Variants in SLC37A2 observed in about 807,000 individuals in gnomAD.
SLC37A2 encodes the protein glucose-6-phosphate exchanger SLC37A2.
Under a neutral mutation model 70.7 loss-of-function variants are expected in SLC37A2, and 59 were observed. The observed-to-expected ratio is 0.83, with a 90% CI of 0.68 to 1.04. The LOEUF (loss-of-function observed/expected upper bound fraction) is 1.04. SLC37A2 is among the 50% of genes least tolerant of loss of function. The pLI, the probability that SLC37A2 is intolerant of heterozygous loss-of-function variation, is 0.00. For missense variants in SLC37A2, 580 were observed against 658.1 expected (o/e 0.88, Z 1.30); for synonymous variants, 257 against 262.1 (o/e 0.98, Z 0.19).
chr11:125,083,716 G>C lies in SLC37A2; in HGVS notation c.977-99G>C, dbSNP rs969079822. Reference sequence around the variant, plus strand: ...CCCCAGCTCTTCCTCGGAAAAGGGGGCAGTGGTCTGGATCACGCTCTGCAG... The same window carrying C: ...CCCCAGCTCTTCCTCGGAAAAGGGGCCAGTGGTCTGGATCACGCTCTGCAG... On this transcript the variant is annotated intron_variant, in intron 10 of 17. Transcript: ENST00000403796. This position sits in a 1 kb window ranked among gnomAD's most constrained non-coding sequence, Gnocchi z 4.6. 3.8e-6 allele frequency: 4 copies of C among 1,066,124 alleles called. No individual in the cohort carries two copies. The highest frequency in any genetic ancestry group is 5.8e-6 in the Non-Finnish European group (4 of 689,432). 66.0% of individuals were successfully genotyped at this position (1,066,124 alleles called of 1,614,324 possible).
In SLC37A2 at chr11:125,063,477, T is replaced by C. The variant is rs760306626; in HGVS notation, c.59+51T>C. On this transcript the variant is annotated intron_variant, in intron 1 of 17. Transcript: ENST00000403796. The surrounding 1 kb of genome is among the most constrained non-coding windows in gnomAD (Gnocchi z 5.4). ...TGCCGGGACCTCCTGGGCTCGGGGC[T>C]TGCAGGGGCCGCGGGGGGCCTCGGA... 1 of 1,544,764 alleles carries C rather than the reference T, an allele frequency of 6.5e-7. No homozygotes were observed. Among genetic ancestry groups the C allele is most frequent in the Non-Finnish European group, 8.8e-7 (1 of 1,134,194 alleles).
intron 1 of SLC37A2, among the ~76,000 whole-genome samples, chr11:125,067,661 T>G (rs909770427): frequency 6.6e-6 from 1 of 152,210 alleles, no homozygotes; most frequent in Non-Finnish European, 1.5e-5. Context: ...AAATTAAATA[T>G]TCACAAACTT....
chr11:125,074,603 A>T (rs1175053066), intron 1 of SLC37A2, among the ~76,000 whole-genome samples: 1 of 143,878 alleles, frequency 7.0e-6, no homozygotes, highest in Non-Finnish European at 1.5e-5. Context: ...GCTGGAGTTG[A>T]CACAGTGCAG....
At chr11:125,081,557 C>A in intron 8 of SLC37A2, 99 bp downstream of exon 8, 1 of 1,430,900 alleles carries the variant, frequency 7.0e-7, no homozygotes. Flanking sequence ...AGTTCTGGCC[C>A]TCACTGACCT....
chr11:125,083,543 A>G lies in SLC37A2; in HGVS notation c.977-272A>G. The G allele has an allele frequency of 4.9e-6, 2 of 404,508 alleles. No homozygotes were observed. Among genetic ancestry groups the G allele is most frequent in the Non-Finnish European group, 9.0e-6 (2 of 221,228 alleles). 25.1% of individuals were successfully genotyped at this position (404,508 alleles called of 1,614,324 possible). A position where few individuals can be genotyped will look rare whatever the true frequency, so the allele number is the denominator to read the frequency against. On this transcript the variant is annotated intron_variant, in intron 10 of 17. Coordinates refer to ENST00000403796, the MANE Select transcript of SLC37A2 (RefSeq NM_001145290.2). This position sits in a 1 kb window ranked among gnomAD's most constrained non-coding sequence, Gnocchi z 4.6. ...CCACGGGACAGCAGGCTCGGGGGCCAGATCCCAGAGCTTGCCAGGGAGGGC... is the reference window on the plus strand; with the variant it reads ...CCACGGGACAGCAGGCTCGGGGGCCGGATCCCAGAGCTTGCCAGGGAGGGC...
chr11:125,068,876 G>C (rs1477837018), intron 1 of SLC37A2, among the ~76,000 whole-genome samples: 4 of 152,210 alleles, frequency 2.6e-5, no homozygotes, highest in African/African-American at 9.6e-5. Flanking sequence ...TCAAATCTCT[G>C]TCACATTTAA....
intron 1 of SLC37A2, among the ~76,000 whole-genome samples, chr11:125,075,805 T>C (rs1316329626): frequency 1.3e-5 from 2 of 152,180 alleles, no homozygotes; most frequent in African/African-American, 4.8e-5. Flanking sequence ...CCTTGGGCTC[T>C]TGGAGCCAGG....
chr11:125,069,709 G>A (rs1043562132), intron 1 of SLC37A2, among the ~76,000 whole-genome samples: 3 of 152,248 alleles, frequency 2.0e-5, no homozygotes, highest in African/African-American at 4.8e-5. Flanking sequence ...CAGCTGGTAG[G>A]AACAAAAGGT....
chr11:125,064,999 T>C (rs894928626), intron 1 of SLC37A2, among the ~76,000 whole-genome samples: 1 of 152,214 alleles, frequency 6.6e-6, no homozygotes, highest in Non-Finnish European at 1.5e-5. Context: ...AACATATTCA[T>C]TTATAGGTTA....
intron 17 of SLC37A2, chr11:125,086,332 C>A: frequency 8.5e-7 from 1 of 1,172,970 alleles, no homozygotes; most frequent in African/African-American, 1.5e-5. Context: ...CTCTGTCCTG[C>A]AGTATGACTT....
chr11:125,081,503 TC>T, intron 8 of SLC37A2, 45 bp downstream of exon 8: 1 of 1,576,608 alleles, frequency 6.3e-7, no homozygotes, highest in Non-Finnish European at 8.6e-7. Context: ...TCCAACTCCA[TC>T]CAGAGGGCTG....
At chr11:125,084,174 A>G in intron 11 of SLC37A2, 60 bp from the exon 12 acceptor site, 1 of 1,585,518 alleles carries the variant, frequency 6.3e-7, no homozygotes, top group Non-Finnish European at 8.7e-7. Context: ...CTGGGGTGCC[A>G]GGCGAGGGGA....
chr11:125,082,228 C>T lies in SLC37A2; in HGVS notation c.886-16C>T, dbSNP rs1205407445. 1.9e-6 allele frequency: 3 copies of T among 1,613,576 alleles called. No homozygotes were observed. The highest frequency in any genetic ancestry group is 1.7e-5 in the Admixed American group (1 of 59,992). On this transcript the variant is annotated splice_polypyrimidine_tract_variant and intron_variant, in intron 9 of 17. Transcript: ENST00000403796. ...CTCTGGACCCCTTCCCATGTGCCCCCTGTTGCACTCCCCAGGGCGTGGTCG... is the reference window on the plus strand; with the variant it reads ...CTCTGGACCCCTTCCCATGTGCCCCTTGTTGCACTCCCCAGGGCGTGGTCG...
rs766661656 is a variant in SLC37A2, at chr11:125,085,596, G to A, written c.1347G>A (p.Leu449=). Residue 449 remains leucine (L), a synonymous_variant, in exon 16 of 18, where the codon CTG becomes CTA. Coordinates refer to ENST00000403796, the MANE Select transcript of SLC37A2 (RefSeq NM_001145290.2). ...TGSIGAALGP[L]LAGLISPTGW... is the part of the protein sequence containing the mutation. The stretch of plus-strand genomic sequence containing the variant: ...ATTCAGGTGCGGCTCTGGGGCCTCT[G>A]CTGGCTGGGCTCATCTCCCCCACGG... 1.2e-6 allele frequency: 2 copies of A among 1,613,860 alleles called. No individual in the cohort carries two copies. The highest frequency in any genetic ancestry group is 1.7e-6 in the Non-Finnish European group (2 of 1,180,032).
intron 9 of SLC37A2, 70 bp downstream of exon 9, chr11:125,081,976 G>A: frequency 6.7e-7 from 1 of 1,490,024 alleles, no homozygotes; most frequent in Non-Finnish European, 9.0e-7. Context: ...TGAGGAGATG[G>A]GGTGCTTGGG....
chr11:125,085,282 CCT>C, intron 14 of SLC37A2, 111 bp from the exon 15 acceptor site: 1 of 1,274,598 alleles, frequency 7.8e-7, no homozygotes, highest in Non-Finnish European at 1.1e-6. Flanking sequence ...GGGCCCCTCT[CCT>C]CTCAAGCCCA....
intron 1 of SLC37A2, among the ~76,000 whole-genome samples, chr11:125,073,607 C>G (rs867617942): frequency 1.3e-5 from 2 of 152,366 alleles, no homozygotes; most frequent in Non-Finnish European, 2.9e-5. Flanking sequence ...TCTCACTAAC[C>G]CATCAATAGG....
chr11:125,077,764 A>C (rs1475957315), intron 4 of SLC37A2, among the ~76,000 whole-genome samples: 1 of 152,186 alleles, frequency 6.6e-6, no homozygotes, highest in African/African-American at 2.4e-5. Flanking sequence ...TTTTGAGTCT[A>C]TTCACTCAGA....
chr11:125,071,036 C>T (rs1392925001), intron 1 of SLC37A2, among the ~76,000 whole-genome samples: 1 of 152,126 alleles, frequency 6.6e-6, no homozygotes, highest in Admixed American at 6.6e-5. Flanking sequence ...GTTGACAGTC[C>T]CAAAGTAACA....
Sources: gnomAD v4.1 joint callset for allele counts (sites outside exome capture counted in the v4.1 genomes callset) on GRCh38, gnomAD v4.1.1 for gene constraint, Gnocchi (gnomAD v3.1) non-coding constraint, MANE v1.5 for transcripts, NCBI Gene and HGNC (gene_info 2026-07-23, HGNC 2026-07-21) for gene names.